Variants in AGTR1 observed in about 807,000 individuals in gnomAD.
AGTR1 encodes the protein type-1 angiotensin II receptor.
In AGTR1, 16 loss-of-function variants were observed where a neutral mutation model predicts 19.4. That is an observed-to-expected ratio of 0.82 (90% CI 0.56 to 1.25). AGTR1 has a LOEUF of 1.25. Ranked by LOEUF, AGTR1 falls within the 50% of genes most tolerant of loss-of-function variation. AGTR1 has a pLI of 0.00. For missense variants in AGTR1, 373 were observed against 431.9 expected, an observed-to-expected ratio of 0.86 and a Z score of 1.21; for synonymous variants, 153 against 154.9, an observed-to-expected ratio of 0.99 and a Z score of 0.09.
intron 2 of AGTR1, among the ~76,000 whole-genome samples, chr3:148,730,811 G>A (rs1161712600): frequency 6.6e-6 from 1 of 152,144 alleles, no homozygotes; most frequent in Non-Finnish European, 1.5e-5. Context: ...GGGTGATGCT[G>A]ATGCTGTTGT....
chr3:148,710,654 T>C (rs745420799), intron 2 of AGTR1, among the ~76,000 whole-genome samples: 3 of 152,206 alleles, frequency 2.0e-5, no homozygotes, highest in Non-Finnish European at 4.4e-5. Context: ...AGGGGTAGAA[T>C]ACTTCTTATT....
intron 2 of AGTR1, among the ~76,000 whole-genome samples, chr3:148,708,694 T>G (rs189684031): frequency 1.3e-5 from 2 of 152,308 alleles, no homozygotes; most frequent in African/African-American, 4.8e-5. Context: ...GTTTTGTCTA[T>G]CTAACTCTTC....
At chr3:148,708,604 C>A (rs12695876) in intron 2 of AGTR1, among the ~76,000 whole-genome samples, 1,682 of 152,258 alleles carry the variant, frequency 0.011, 35 homozygotes, top group African/African-American at 0.038. Flanking sequence ...CTCTTAGCCT[C>A]TTTACAGGCA....
chr3:148,698,940 TC>T (rs1170085662), intron 1 of AGTR1, among the ~76,000 whole-genome samples: 2 of 151,066 alleles, frequency 1.3e-5, no homozygotes, highest in Admixed American at 1.3e-4. Flanking sequence ...TGCTATAGTC[TC>T]CCGAAGACCT....
At chr3:148,733,637 C>A (rs1457939039) in intron 2 of AGTR1, among the ~76,000 whole-genome samples, 1 of 152,146 alleles carries the variant, frequency 6.6e-6, no homozygotes, top group Non-Finnish European at 1.5e-5. Flanking sequence ...AAAAGAAAAG[C>A]TTGTGAGTAG....
chr3:148,704,776 G>A (rs1712572704), intron 1 of AGTR1, among the ~76,000 whole-genome samples: 1 of 152,162 alleles, frequency 6.6e-6, no homozygotes, highest in African/African-American at 2.4e-5. Context: ...TCAAAAGACA[G>A]GTGTGTATGG....
chr3:148,701,639 G>C (rs1240414748), intron 1 of AGTR1, among the ~76,000 whole-genome samples: 1 of 152,076 alleles, frequency 6.6e-6, no homozygotes, highest in Non-Finnish European at 1.5e-5. Flanking sequence ...CTATTACCAA[G>C]AATGTTTTTA....
At chr3:148,738,502 T>C (rs1330639084) in intron 2 of AGTR1, among the ~76,000 whole-genome samples, 4 of 152,072 alleles carry the variant, frequency 2.6e-5, no homozygotes, top group African/African-American at 9.7e-5. Context: ...ATAAAGAATA[T>C]GTGTCTATAT....
At chr3:148,740,046 C>CA in intron 2 of AGTR1, 1 of 1,112,416 alleles carries the variant, frequency 9.0e-7, no homozygotes, top group Non-Finnish European at 1.1e-6. Context: ...TTTTCTAAAT[C>CA]ACATAAATGA....
At chr3:148,719,811 C>T (rs1425333786) in intron 2 of AGTR1, among the ~76,000 whole-genome samples, 3 of 152,168 alleles carry the variant, frequency 2.0e-5, no homozygotes, top group Non-Finnish European at 4.4e-5. Context: ...CTAACGCTGC[C>T]CATCCAGGGC....
chr3:148,732,482 CAG>C (rs1357696217), intron 2 of AGTR1, among the ~76,000 whole-genome samples: 4 of 152,104 alleles, frequency 2.6e-5, no homozygotes, highest in Non-Finnish European at 5.9e-5. Context: ...CTTGAGTAAA[CAG>C]TAAATTTTTT....
rs369885995 is a variant in AGTR1, at chr3:148,708,341, CT to C, written c.-48+316del. Among the ~76,000 whole-genome samples the C allele has an allele frequency of 1.8e-3, 274 of 152,226 alleles. 1 individual carries two copies. Among genetic ancestry groups the C allele is most frequent in the African/African-American group, 6.2e-3 (257 of 41,550 alleles). On this transcript the variant is annotated intron_variant, in intron 2 of 2. Coordinates refer to ENST00000349243, the MANE Select transcript of AGTR1 (RefSeq NM_000685.5). ...ACAGGTGATTCCTTTGAGCAGTGTT[CT>C]TCCTGTATAGGGCTTAAGAGGACCA...
chr3:148,703,469 T>G (rs2640540), intron 1 of AGTR1, among the ~76,000 whole-genome samples: 65,663 of 152,120 alleles, frequency 0.43, 14,823 homozygotes, highest in East Asian at 0.52. Flanking sequence ...GGCTCTTAAC[T>G]AACGTTTTTA....
intron 2 of AGTR1, among the ~76,000 whole-genome samples, chr3:148,735,163 A>G (rs1714506093): frequency 6.6e-6 from 1 of 152,222 alleles, no homozygotes; most frequent in South Asian, 2.1e-4. Context: ...GATTAAAGCC[A>G]GGGACTGAAA....
At chr3:148,705,723 A>G (rs1712630097) in intron 1 of AGTR1, among the ~76,000 whole-genome samples, 1 of 151,188 alleles carries the variant, frequency 6.6e-6, no homozygotes, top group South Asian at 2.1e-4. Context: ...AATGTAATAT[A>G]TAATTTATAT....
At chr3:148,711,430 A>C (rs1235743842) in intron 2 of AGTR1, among the ~76,000 whole-genome samples, 1 of 152,228 alleles carries the variant, frequency 6.6e-6, no homozygotes, top group African/African-American at 2.4e-5. Context: ...CACATTTAAT[A>C]GTATCATTTT....
At position 148,716,688 on chromosome 3, in the gene AGTR1, C is replaced by T. The variant is rs147732865; in HGVS notation, c.-48+8661C>T. Among the ~76,000 whole-genome samples the T allele has an allele frequency of 8.5e-5, 13 of 152,204 alleles. No individual in the cohort carries two copies. Among genetic ancestry groups the T allele is most frequent in the African/African-American group, 1.7e-4 (7 of 41,538 alleles). ...TTCTCTCCTGAAAAGAGATATTATA[C>T]GGCATTTTAGAGAAAACAAACATCT... On this transcript the variant is annotated intron_variant, in intron 2 of 2. Coordinates refer to ENST00000349243, the MANE Select transcript of AGTR1 (RefSeq NM_000685.5). The surrounding 1 kb of genome is among the most constrained non-coding windows in gnomAD (Gnocchi z 4.7).
At chr3:148,701,710 A>C (rs777445317) in intron 1 of AGTR1, among the ~76,000 whole-genome samples, 5 of 152,180 alleles carry the variant, frequency 3.3e-5, no homozygotes, top group Non-Finnish European at 7.4e-5. Context: ...AATGGGTAAA[A>C]AATGAGTGTG....
intron 2 of AGTR1, among the ~76,000 whole-genome samples, chr3:148,719,097 C>G (rs938773655): frequency 1.3e-5 from 2 of 152,036 alleles, no homozygotes; most frequent in Admixed American, 6.6e-5. Flanking sequence ...TTAAAACATG[C>G]AATTAGGTAT....
Sources: allele counts gnomAD v4.1 joint callset (sites outside exome capture counted in the v4.1 genomes callset), GRCh38; gene constraint gnomAD v4.1.1; non-coding constraint Gnocchi (gnomAD v3.1); transcripts MANE v1.5; gene names NCBI Gene and HGNC (gene_info 2026-07-23, HGNC 2026-07-21).